Variants in NEDD4L observed in about 807,000 individuals in gnomAD.
NEDD4L encodes the protein E3 ubiquitin-protein ligase NEDD4-like.
A neutral mutation model predicts 148.9 loss-of-function variants in NEDD4L; 54 were observed. The observed-to-expected ratio is 0.36, with a 90% CI of 0.29 to 0.45. The LOEUF is 0.45. NEDD4L is among the 20% of genes least tolerant of loss of function. The probability of loss-of-function intolerance (pLI) is 1.00; values close to 1 mark genes in which losing one functional copy is unlikely to be tolerated. For missense variants in NEDD4L, 856 were observed against 1,233.8 expected, an observed-to-expected ratio of 0.69 and a Z score of 4.59; for synonymous variants, 433 against 440.7, an observed-to-expected ratio of 0.98 and a Z score of 0.22.
In NEDD4L at chr18:58,335,514, G is replaced by C; in HGVS notation, c.1102G>C (p.Val368Leu). ...AGCTGGGAGAGCGCGTTCATCAACT[G>C]TCACGGGTGGTGAGGAACCAACGGT... ...APAGRARSST[V>L]TGGEEPTPSV... Residue 368 changes from valine to leucine, a missense_variant, in exon 13 of 31, where the codon GTC (valine) becomes CTC (leucine). This residue lies in a region of NEDD4L where 367 missense variants were observed against 422.7 expected (regional missense o/e 0.87). Transcript: ENST00000400345. 6.2e-7 allele frequency: 1 copy of C among 1,613,610 alleles called. No homozygotes were observed. The highest frequency in any genetic ancestry group is 8.5e-7 in the Non-Finnish European group (1 of 1,179,564).
intron 2 of NEDD4L, among the ~76,000 whole-genome samples, chr18:58,235,100 G>A (rs2148231408): frequency 6.6e-6 from 1 of 151,800 alleles, no homozygotes; most frequent in Admixed American, 6.6e-5. Flanking sequence ...GTACGGGAAG[G>A]GCTTAGGACG....
Position 58,256,629 on chromosome 18 carries a change from A to G in NEDD4L, c.297+4575A>G, listed in dbSNP as rs766431980. On this transcript the variant is annotated intron_variant, in intron 5 of 30. Coordinates refer to ENST00000400345, the MANE Select transcript of NEDD4L (RefSeq NM_001144967.3). This position sits in a 1 kb window ranked among gnomAD's most constrained non-coding sequence, Gnocchi z 5.2. ...TCCGCGGAGAGGACTCCGCAGGGCC[A>G]GGGGTGCACATTTAAGATCAGGCAG... The G allele has an allele frequency of 4.1e-6, 5 of 1,232,188 alleles. No individual in the cohort carries two copies. Among genetic ancestry groups the G allele is most frequent in the Non-Finnish European group, 5.1e-6 (5 of 988,008 alleles). The allele number at this position is 1,232,188 out of a possible 1,614,324, so 76.3% of individuals were successfully genotyped here.
At chr18:58,097,366 T>G (rs2145423142) in intron 1 of NEDD4L, among the ~76,000 whole-genome samples, 1 of 152,272 alleles carries the variant, frequency 6.6e-6, no homozygotes, top group South Asian at 2.1e-4. Flanking sequence ...GGGAGAAGCA[T>G]TCCATCCCTG....
At chr18:58,182,393 GTT>G (rs2038958209) in intron 2 of NEDD4L, among the ~76,000 whole-genome samples, 1 of 151,914 alleles carries the variant, frequency 6.6e-6, no homozygotes, top group Non-Finnish European at 1.5e-5. Context: ...AAAAGTGTCA[GTT>G]GAGATGATGT....
rs1598907045 is a variant in NEDD4L at position 58,117,954 on chromosome 18, A to G, written c.49-47834A>G. 3.9e-5 allele frequency among the ~76,000 whole-genome samples: 6 copies of G among 152,228 alleles called. 1 individual carries two copies. Among genetic ancestry groups the G allele is most frequent in the Admixed American group, 3.9e-4 (6 of 15,292 alleles). ...TCTGCTTTATTCAGGCATTGCTTTC[A>G]TTTTTTAGAACAGCTGCTCCAGTAT... On this transcript the variant is annotated intron_variant, in intron 1 of 30. Transcript: ENST00000400345.
chr18:58,103,436 G>A (rs1174927581), intron 1 of NEDD4L, among the ~76,000 whole-genome samples: 3 of 151,994 alleles, frequency 2.0e-5, no homozygotes, highest in Admixed American at 6.6e-5. Flanking sequence ...ATTGCATGAA[G>A]TACACAAGCT....
At chr18:58,191,002 T>C (rs571078420) in intron 2 of NEDD4L, among the ~76,000 whole-genome samples, 46 of 152,252 alleles carry the variant, frequency 3.0e-4, no homozygotes, top group African/African-American at 1.1e-3. Flanking sequence ...CCCCAGCTAC[T>C]CAGGAAGCTG....
At chr18:58,391,700 A>G (rs2049854507) in intron 30 of NEDD4L, 141 bp downstream of exon 30, 1 of 659,054 alleles carries the variant, frequency 1.5e-6, no homozygotes, top group South Asian at 2.0e-5. Context: ...GTGGATGAAA[A>G]TAGAAATTGT....
At position 58,269,069 on chromosome 18, in the gene NEDD4L, C is replaced by T. The variant is rs186733242; in HGVS notation, c.297+17015C>T. ...CCTTTTGAACAAGTTTCTTACTTTG[C>T]CTCATATGTTCCAATCTTCTGTCAG... On this transcript the variant is annotated intron_variant, in intron 5 of 30. Coordinates refer to ENST00000400345, the MANE Select transcript of NEDD4L (RefSeq NM_001144967.3). Among the ~76,000 whole-genome samples, 78 of 152,070 alleles carry T rather than the reference C, an allele frequency of 5.1e-4. 1 individual carries two copies. Among genetic ancestry groups the T allele is most frequent in the Non-Finnish European group, 9.4e-4 (64 of 67,922 alleles).
chr18:58,198,090 G>A (rs1278496608), intron 2 of NEDD4L, among the ~76,000 whole-genome samples: 2 of 152,170 alleles, frequency 1.3e-5, no homozygotes, highest in Non-Finnish European at 2.9e-5. Context: ...AGTAACTGTA[G>A]GATAGGTAAA....
chr18:58,161,802 A>G (rs1222869733), intron 1 of NEDD4L, among the ~76,000 whole-genome samples: 1 of 152,072 alleles, frequency 6.6e-6, no homozygotes, highest in African/African-American at 2.4e-5. Context: ...ACGGAGAGAC[A>G]TGGATGAGAA....
rs376285932 is a variant in NEDD4L, at chr18:58,367,895, C to T, written c.2185+28C>T. The T allele has an allele frequency of 8.3e-5, 134 of 1,613,120 alleles. No homozygotes were observed. The African/African-American group carries it at 1.6e-3, about 20-fold the overall frequency. ...AAGTCTTGAAGTAATAAAAATAGGT[C>T]AGTGCTGCTTGCGGTTTGCTAGTAG... is the stretch of plus-strand genomic sequence containing the variant. On this transcript the variant is annotated intron_variant, in intron 22 of 30. Coordinates refer to ENST00000400345, the MANE Select transcript of NEDD4L (RefSeq NM_001144967.3).
intron 3 of NEDD4L, among the ~76,000 whole-genome samples, chr18:58,246,385 G>A (rs751856132): frequency 2.0e-5 from 3 of 152,062 alleles, no homozygotes; most frequent in African/African-American, 4.8e-5. Context: ...AGCTATACAT[G>A]TATGTATATA....
intron 1 of NEDD4L, among the ~76,000 whole-genome samples, chr18:58,059,498 A>G (rs541994799): frequency 1.3e-5 from 2 of 152,168 alleles, no homozygotes; most frequent in Non-Finnish European, 2.9e-5. Context: ...TCCAGGATCC[A>G]TGCTGCCTGG....
chr18:58,165,613 A>T, intron 1 of NEDD4L, 175 bp from the exon 2 acceptor site: 1 of 1,483,714 alleles, frequency 6.7e-7, no homozygotes, highest in Non-Finnish European at 9.0e-7. Flanking sequence ...AGACTTTTAG[A>T]GCTGGAATAT....
At chr18:58,221,281 C>T (rs1318194702) in intron 2 of NEDD4L, among the ~76,000 whole-genome samples, 1 of 152,058 alleles carries the variant, frequency 6.6e-6, no homozygotes, top group African/African-American at 2.4e-5. Context: ...AAAACAGCCC[C>T]GCCAGACATA....
intron 5 of NEDD4L, among the ~76,000 whole-genome samples, chr18:58,267,249 G>A (rs996303697): frequency 2.0e-5 from 3 of 152,042 alleles, no homozygotes; most frequent in Non-Finnish European, 2.9e-5. Context: ...AGTCCTCTGA[G>A]TTCCGGTTGC....
Position 58,296,844 on chromosome 18 carries a change from C to T in NEDD4L, c.298-19138C>T, listed in dbSNP as rs558308643. Among the ~76,000 whole-genome samples the T allele has an allele frequency of 1.8e-4, 27 of 152,312 alleles. 1 individual carries two copies. In the East Asian group the frequency reaches 5.0e-3, roughly 28 times the overall value. On this transcript the variant is annotated intron_variant, in intron 5 of 30. Transcript: ENST00000400345. ...GGCTGAGGCAGGAGAACTGCTTGAA[C>T]CTGGGAGGTGGAGGTTGCGGTGAGC...
At chr18:58,171,994 T>G (rs550737) in intron 2 of NEDD4L, among the ~76,000 whole-genome samples, 72,829 of 151,948 alleles carry the variant, frequency 0.48, 17,842 homozygotes, top group Admixed American at 0.58. Flanking sequence ...AGGAGCACAC[T>G]CTCTTCTTGT....
Sources: allele counts gnomAD v4.1 joint callset (sites outside exome capture counted in the v4.1 genomes callset), GRCh38; gene constraint gnomAD v4.1.1; regional missense constraint gnomAD v4.1.1; non-coding constraint Gnocchi (gnomAD v3.1); transcripts MANE v1.5; gene names NCBI Gene and HGNC (gene_info 2026-07-23, HGNC 2026-07-21).